NUP37: variants seen among roughly 807,000 people sequenced by gnomAD.
NUP37 encodes the protein nucleoporin Nup37.
In NUP37, 33 loss-of-function variants were observed where a neutral mutation model predicts 45.4. The observed-to-expected ratio is 0.73, with a 90% CI of 0.55 to 0.97. The LOEUF (loss-of-function observed/expected upper bound fraction) is 0.97, where lower values mean the gene tolerates loss of function less well. Among genes scored for constraint, NUP37 ranks in the 50% least tolerant of loss-of-function variants. The pLI is 0.00. For synonymous variants in NUP37, 127 were observed against 130.7 expected (o/e 0.97, Z 0.19); for missense variants, 365 against 389.7 (o/e 0.94, Z 0.53).
At chr12:102,101,413 G>T (rs898181723) in intron 3 of NUP37, among the ~76,000 whole-genome samples, 4 of 151,964 alleles carry the variant, frequency 2.6e-5, no homozygotes, top group African/African-American at 9.7e-5. Flanking sequence ...AATTTTAAAC[G>T]TTTTCTTAAA....
intron 6 of NUP37, among the ~76,000 whole-genome samples, chr12:102,083,878 T>G (rs1229463950): frequency 6.6e-6 from 1 of 152,170 alleles, no homozygotes; most frequent in Non-Finnish European, 1.5e-5. Context: ...ACGGGATGTG[T>G]TGAAAATATC....
Position 102,076,841 on chromosome 12 carries a change from A to G in NUP37, c.729T>C (p.Pro243=), listed in dbSNP as rs185034024. 6.2e-7 allele frequency: 1 copy of G among 1,611,966 alleles called. No homozygotes were observed. The highest frequency in any genetic ancestry group is 1.3e-5 in the African/African-American group (1 of 74,992). ...CCATGTGAACAGGTCTCTTATTTTG[A>G]GGATAACTAAAAGATAATATTTTGC... The part of the protein sequence containing the change: ...LIWDITRSSY[P]QNKRPVHMDR... The change falls in exon 8 of 10, where the codon CCT becomes CCC. Residue 243 remains proline (P), a synonymous_variant. Coordinates refer to ENST00000552283, the MANE Select transcript of NUP37 (RefSeq NM_024057.4).
In NUP37 at chr12:102,101,046, T is replaced by C. The variant is rs771474318; in HGVS notation, c.340A>G (p.Lys114Glu). The change falls in exon 4 of 10, where the codon AAA becomes GAA. Residue 114 changes from lysine to glutamate, a missense_variant. By Grantham distance (56) the Lys-to-Glu change is moderately conservative. Coordinates refer to ENST00000552283, the MANE Select transcript of NUP37 (RefSeq NM_024057.4). ...IRLFTSDLQD[K>E]NEYKVLEGHT... ...TGTCAACATACCTTATATTCATTTT[T>C]ATCCTGAAGATCTGAAGTAAATAAT... 1 of 1,545,680 alleles carries C rather than the reference T, an allele frequency of 6.5e-7. No homozygotes were observed. Among genetic ancestry groups the C allele is most frequent in the East Asian group, 2.3e-5 (1 of 42,830 alleles).
chr12:102,114,766 G>C (rs907257059), intron 2 of NUP37, among the ~76,000 whole-genome samples: 5 of 152,068 alleles, frequency 3.3e-5, no homozygotes, highest in Admixed American at 6.6e-5. Context: ...GAAAAAAAGA[G>C]TTTACACAAC....
chr12:102,098,425 T>G (rs1879874152), intron 5 of NUP37, among the ~76,000 whole-genome samples: 1 of 152,192 alleles, frequency 6.6e-6, no homozygotes, highest in Admixed American at 6.5e-5. Context: ...GAGTCATAGT[T>G]CATTATTCCA....
At position 102,073,586 on chromosome 12, in the gene NUP37, T is replaced by G. The variant is rs915981481; in HGVS notation, c.*768A>C. 1.3e-5 allele frequency: 2 copies of G among 152,200 alleles called. No individual in the cohort carries two copies. The highest frequency in any genetic ancestry group is 4.8e-5 in the African/African-American group (2 of 41,446). 9.4% of individuals were successfully genotyped at this position (152,200 alleles called of 1,614,324 possible). A position where few individuals can be genotyped will look rare whatever the true frequency, so the allele number is the denominator to read the frequency against. On this transcript the variant is annotated 3_prime_UTR_variant, in exon 10 of 10. Transcript: ENST00000552283. ...GTTGAGCAATATAATCAATCACATA[T>G]TTAAGAAACTGAAAACAATTTTTTA...
chr12:102,081,379 T>C (rs1879328854), intron 6 of NUP37, among the ~76,000 whole-genome samples: 1 of 152,210 alleles, frequency 6.6e-6, no homozygotes, highest in African/African-American at 2.4e-5. Flanking sequence ...AGTAGCTGAA[T>C]CTAAAAATGC....
chr12:102,092,124 A>T (rs1000459381), intron 5 of NUP37, among the ~76,000 whole-genome samples: 2 of 152,194 alleles, frequency 1.3e-5, no homozygotes, highest in Non-Finnish European at 2.9e-5. Context: ...TATTCTGTTT[A>T]TTTGTTCATT....
intron 4 of NUP37, among the ~76,000 whole-genome samples, chr12:102,099,455 A>AACAC (rs3841628): frequency 6.6e-6 from 1 of 151,524 alleles, no homozygotes; most frequent in East Asian, 1.9e-4. Flanking sequence ...TTCTTACAAA[A>AACAC]ACACACACAC....
chr12:102,077,199 T>C, intron 7 of NUP37, 123 bp downstream of exon 7: 2 of 991,146 alleles, frequency 2.0e-6, no homozygotes, highest in South Asian at 2.7e-5. Context: ...TGGCCTTCTA[T>C]AGGAAAGACT....
At chr12:102,076,773 G>A (rs777500522) in intron 8 of NUP37, 24 bp downstream of exon 8, 1 of 1,607,836 alleles carries the variant, frequency 6.2e-7, no homozygotes, top group South Asian at 1.1e-5. Flanking sequence ...TCAAATCACA[G>A]CTCCAACAAA....
rs542757885 is a variant in NUP37, at chr12:102,100,921, T to C, written c.354+111A>G. 4.4e-4 allele frequency: 275 copies of C among 627,932 alleles called. 1 individual carries two copies. In the African/African-American group the frequency reaches 4.7e-3, roughly 11 times the overall value. 38.9% of individuals were successfully genotyped at this position (627,932 alleles called of 1,614,324 possible). A position where few individuals can be genotyped will look rare whatever the true frequency, so the allele number is the denominator to read the frequency against. On this transcript the variant is annotated intron_variant, in intron 4 of 9. Transcript: ENST00000552283. ...TAAATGAGACTCTAAATTATATACT[T>C]TAATGATGACCATAAAAAGCCATTT...
chr12:102,084,501 G>A (rs913789549), intron 6 of NUP37, among the ~76,000 whole-genome samples: 1 of 152,124 alleles, frequency 6.6e-6, no homozygotes, highest in African/African-American at 2.4e-5. Flanking sequence ...AAAATTAGCC[G>A]AGTGTAGTGG....
Position 102,076,878 on chromosome 12 carries a change from T to TA in NUP37, c.723-32dup, listed in dbSNP as rs745900755. 5.0e-5 allele frequency: 77 copies of TA among 1,549,242 alleles called. No homozygotes were observed. In the Middle Eastern group the frequency reaches 5.0e-4, roughly 10 times the overall value. On this transcript the variant is annotated intron_variant, in intron 7 of 9. Coordinates refer to ENST00000552283, the MANE Select transcript of NUP37 (RefSeq NM_024057.4). ...AGATAATATTTTGCATTTTATGAAT[T>TA]ATGTGTTAAACTCAAGTGGGTGAAC...
chr12:102,107,096 C>T (rs1880177330), intron 3 of NUP37, among the ~76,000 whole-genome samples: 1 of 152,188 alleles, frequency 6.6e-6, no homozygotes, highest in African/African-American at 2.4e-5. Context: ...TGAGACTTAT[C>T]TCCTGTCTCC....
intron 5 of NUP37, among the ~76,000 whole-genome samples, chr12:102,089,035 T>C (rs1044540427): frequency 6.6e-6 from 1 of 152,198 alleles, no homozygotes; most frequent in Non-Finnish European, 1.5e-5. Flanking sequence ...GGTAAGGTTA[T>C]AGATTAACAG....
At chr12:102,105,141 C>T (rs1880097042) in intron 3 of NUP37, among the ~76,000 whole-genome samples, 3 of 152,124 alleles carry the variant, frequency 2.0e-5, no homozygotes, top group Admixed American at 6.5e-5. Flanking sequence ...TCTTTGGCTT[C>T]GTTGGTTGTC....
chr12:102,090,580 T>G lies in NUP37; in HGVS notation c.450-4724A>C, dbSNP rs190744171. On this transcript the variant is annotated intron_variant, in intron 5 of 9. Coordinates refer to ENST00000552283, the MANE Select transcript of NUP37 (RefSeq NM_024057.4). ...TCAATGAAACTAAGTCAATGCCAAC[T>G]AACTAAAGGTTAAGTTTCTAAAAGA... Among the ~76,000 whole-genome samples the G allele has an allele frequency of 2.6e-5, 4 of 152,268 alleles. No homozygotes were observed. The East Asian group carries it at 7.7e-4, about 29-fold the overall frequency.
chr12:102,100,262 C>T (rs1168943407), intron 4 of NUP37, among the ~76,000 whole-genome samples: 2 of 152,106 alleles, frequency 1.3e-5, no homozygotes, highest in Non-Finnish European at 2.9e-5. Context: ...ATAATTTTTA[C>T]TATTTTCTAA....
Sources: gnomAD v4.1 joint callset for allele counts (sites outside exome capture counted in the v4.1 genomes callset) on GRCh38, gnomAD v4.1.1 for gene constraint, MANE v1.5 for transcripts, NCBI Gene and HGNC (gene_info 2026-07-23, HGNC 2026-07-21) for gene names.